HYLS1: variants seen among roughly 807,000 people sequenced by gnomAD.
The protein encoded by HYLS1 is HYLS1 centriolar and ciliogenesis associated.
In HYLS1, 25 loss-of-function variants were observed where a neutral mutation model predicts 29.4. That is an observed-to-expected ratio of 0.85 (90% CI 0.62 to 1.19). The LOEUF (loss-of-function observed/expected upper bound fraction) is 1.19. Among genes scored for constraint, HYLS1 ranks in the 50% most tolerant of loss-of-function variants. The pLI, the probability that HYLS1 is intolerant of heterozygous loss-of-function variation, is 0.00. For synonymous variants in HYLS1, 128 were observed against 126.7 expected (o/e 1.01, Z -0.07); for missense variants, 352 against 365.1 (o/e 0.96, Z 0.29).
At chr11:125,888,938 G>C (rs1171844981) in intron 1 of HYLS1, among the ~76,000 whole-genome samples, 2 of 152,042 alleles carry the variant, frequency 1.3e-5, no homozygotes, top group Non-Finnish European at 2.9e-5. Flanking sequence ...CATTTAGTAC[G>C]TGTAAAGAAG....
intron 2 of HYLS1, 103 bp downstream of exon 2, chr11:125,891,575 AAAAGT>A (rs1334355694): frequency 1.3e-5 from 2 of 151,960 alleles, no homozygotes; most frequent in Non-Finnish European, 2.9e-5. Flanking sequence ...TCTTTAAATC[AAAAGT>A]AAAGGCCAAA....
chr11:125,893,662 T>C (rs1172959082), intron 2 of HYLS1: 4 of 754,258 alleles, frequency 5.3e-6, no homozygotes, highest in Non-Finnish European at 7.7e-6. Flanking sequence ...GTCTTTTTGC[T>C]TTTTTTTTTC....
intron 2 of HYLS1, chr11:125,896,227 C>G: frequency 6.2e-7 from 1 of 1,613,996 alleles, no homozygotes; most frequent in Non-Finnish European, 8.5e-7. Flanking sequence ...TGCTCCAGTT[C>G]TCGTACTCTT....
chr11:125,884,657 G>C (rs1381829322), upstream of HYLS1, among the ~76,000 whole-genome samples: 1 of 152,124 alleles, frequency 6.6e-6, no homozygotes, highest in Non-Finnish European at 1.5e-5. Context: ...CTTTTAAAAG[G>C]TCCTTTAATT....
intron 2 of HYLS1, among the ~76,000 whole-genome samples, chr11:125,896,840 T>C (rs571681768): frequency 2.6e-5 from 4 of 152,288 alleles, no homozygotes; most frequent in African/African-American, 9.6e-5. Flanking sequence ...CAATAGAAGC[T>C]AGCCTAACTG....
upstream of HYLS1, among the ~76,000 whole-genome samples, chr11:125,885,033 C>T (rs894440210): frequency 1.3e-5 from 2 of 151,992 alleles, no homozygotes; most frequent in Non-Finnish European, 2.9e-5. Context: ...AAGCAATCCA[C>T]AAAAAAACCA....
rs1944693116 is a variant in HYLS1, at chr11:125,899,497, C to T, written c.129C>T (p.Ala43=). The T allele has an allele frequency of 6.2e-7, 1 of 1,613,986 alleles. No individual in the cohort carries two copies. The highest frequency in any genetic ancestry group is 1.7e-5 in the Admixed American group (1 of 59,978). The change falls in exon 3 of 3, where the codon GCC becomes GCT. Residue 43 remains alanine (A), a synonymous_variant. Transcript: ENST00000425380. The part of the protein sequence containing the change: ...GQGEGDVRRE[A]QSIQYDPYSK... ...GTGAAGGAGATGTCAGGAGAGAAGCCCAATCTATCCAATATGATCCCTACA... is the reference window on the plus strand; with the variant it reads ...GTGAAGGAGATGTCAGGAGAGAAGCTCAATCTATCCAATATGATCCCTACA...
chr11:125,899,127 G>A, intron 2 of HYLS1: 1 of 518,342 alleles, frequency 1.9e-6, no homozygotes, highest in Non-Finnish European at 3.5e-6. Flanking sequence ...CAAGACAGTA[G>A]AAAGCAGGAG....
chr11:125,894,174 C>A, intron 2 of HYLS1: 1 of 1,614,072 alleles, frequency 6.2e-7, no homozygotes, highest in Non-Finnish European at 8.5e-7. Context: ...GCATGATTAG[C>A]CCACAGTTGT....
rs748637609 is a variant in HYLS1, at chr11:125,895,782, G to A, written c.-25-3562G>A. On this transcript the variant is annotated intron_variant, in intron 2 of 2. Coordinates refer to ENST00000425380, the MANE Select transcript of HYLS1 (RefSeq NM_001134793.2). ...TGGAAACTGAGAGCGAAGGTCAAGT[G>A]AGATCACCTGTGGAGTTAGACAAAG... 6.3e-7 allele frequency: 1 copy of A among 1,597,804 alleles called. No individual in the cohort carries two copies. Among genetic ancestry groups the A allele is most frequent in the Admixed American group, 1.7e-5 (1 of 58,970 alleles).
At chr11:125,893,987 A>G (rs760524996) in intron 2 of HYLS1, 12 of 1,614,012 alleles carry the variant, frequency 7.4e-6, no homozygotes, top group Non-Finnish European at 1.0e-5. Context: ...AGGACGGTCC[A>G]TGAGGGGCTT....
intron 2 of HYLS1, chr11:125,896,404 T>G: frequency 1.0e-6 from 1 of 993,856 alleles, no homozygotes. Context: ...TATATAAGAT[T>G]TAATTTAATG....
At position 125,888,883 on chromosome 11, in the gene HYLS1, A is replaced by G. The variant is rs994727406; in HGVS notation, c.-76+1118A>G. 5.9e-5 allele frequency among the ~76,000 whole-genome samples: 9 copies of G among 152,218 alleles called. 1 individual carries two copies. The South Asian group carries it at 1.4e-3, about 24-fold the overall frequency. ...TTTATTCCAAGGACATAAATCGGACAAGAATGCAAACATAGTATGTACATG... is the reference window on the plus strand; with the variant it reads ...TTTATTCCAAGGACATAAATCGGACGAGAATGCAAACATAGTATGTACATG... On this transcript the variant is annotated intron_variant, in intron 1 of 2. Transcript: ENST00000425380.
upstream of HYLS1, chr11:125,887,367 C>T (rs562465161): frequency 1.6e-4 from 25 of 152,366 alleles, no homozygotes; most frequent in Admixed American, 5.2e-4. Flanking sequence ...TCCTTCTCTT[C>T]GAGGGCCCAA....
intron 2 of HYLS1, among the ~76,000 whole-genome samples, chr11:125,894,610 A>G (rs1011964931): frequency 3.3e-5 from 5 of 152,360 alleles, no homozygotes; most frequent in Non-Finnish European, 5.9e-5. Flanking sequence ...AATTTTGTAT[A>G]GTATGAGTAA....
At chr11:125,897,959 A>C (rs1011657323) in intron 2 of HYLS1, among the ~76,000 whole-genome samples, 3 of 152,224 alleles carry the variant, frequency 2.0e-5, no homozygotes, top group Non-Finnish European at 2.9e-5. Context: ...GGAATGGCTG[A>C]CTAAATTTAT....
upstream of HYLS1, among the ~76,000 whole-genome samples, chr11:125,886,718 CCTGA>C (rs1047049095): frequency 1.3e-5 from 2 of 151,328 alleles, no homozygotes; most frequent in African/African-American, 4.9e-5. Context: ...GGTAGAATCA[CCTGA>C]CTAACATGGT....
At chr11:125,888,226 C>G (rs1944344546) in intron 1 of HYLS1, 1 of 152,412 alleles carries the variant, frequency 6.6e-6, no homozygotes, top group African/African-American at 2.4e-5. Context: ...TCTAGCTGCA[C>G]CTTTTGTGGA....
upstream of HYLS1, chr11:125,887,101 G>A (rs1944317936): frequency 1.3e-5 from 2 of 152,594 alleles, no homozygotes; most frequent in South Asian, 2.1e-4. Context: ...CCATGCAGAG[G>A]AAAGGAAGAG....
Sources: gnomAD v4.1 joint callset for allele counts (sites outside exome capture counted in the v4.1 genomes callset) on GRCh38, gnomAD v4.1.1 for gene constraint, MANE v1.5 for transcripts, NCBI Gene and HGNC (gene_info 2026-07-23, HGNC 2026-07-21) for gene names.